Variants in NOL10 observed in about 807,000 individuals in gnomAD.
NOL10 encodes nucleolar protein 10.
Under a neutral mutation model 103.5 loss-of-function variants are expected in NOL10, and 58 were observed. The ratio of observed to expected loss-of-function variants is 0.56; its 90% CI spans 0.45 to 0.70. NOL10 has a LOEUF of 0.70. Among genes scored for constraint, NOL10 ranks in the 30% least tolerant of loss-of-function variants. The pLI, the probability that NOL10 is intolerant of heterozygous loss-of-function variation, is 0.00. For missense variants in NOL10, 763 were observed against 807.3 expected, an observed-to-expected ratio of 0.95 and a Z score of 0.67; for synonymous variants, 287 against 282.5, an observed-to-expected ratio of 1.02 and a Z score of -0.16.
intron 19 of NOL10, among the ~76,000 whole-genome samples, chr2:10,582,442 T>C (rs1438641002): frequency 6.6e-6 from 1 of 152,206 alleles, no homozygotes; most frequent in Non-Finnish European, 1.5e-5. Flanking sequence ...TATCCCCATC[T>C]ACTGAAACGT....
intron 13 of NOL10, among the ~76,000 whole-genome samples, chr2:10,640,560 C>T (rs1381793408): frequency 2.0e-5 from 3 of 152,224 alleles, no homozygotes; most frequent in Middle Eastern, 3.4e-3. Context: ...CTAAAAAGGT[C>T]TTATAAGATA....
chr2:10,685,474 TGA>T (rs1286340116), intron 1 of NOL10, among the ~76,000 whole-genome samples: 1 of 101,174 alleles, frequency 9.9e-6, no homozygotes, highest in Non-Finnish European at 1.8e-5. Flanking sequence ...GCCTGGTGAC[TGA>T]GAGAGACTCC....
At chr2:10,600,971 A>G (rs754692852) in intron 16 of NOL10, 29 bp from the exon 17 acceptor site, 2 of 1,358,508 alleles carry the variant, frequency 1.5e-6, no homozygotes, top group South Asian at 1.3e-5. Flanking sequence ...CTGGTATTTT[A>G]TTTTATTTTA....
intron 13 of NOL10, among the ~76,000 whole-genome samples, chr2:10,618,245 T>TAAAAAA (rs34176271): frequency 2.0e-5 from 3 of 150,774 alleles, no homozygotes; most frequent in African/African-American, 7.3e-5. Context: ...GCTGTTTTTT[T>TAAAAAA]AAAAAAAAAT....
At chr2:10,641,400 A>G (rs1035510692) in intron 13 of NOL10, among the ~76,000 whole-genome samples, 2 of 152,002 alleles carry the variant, frequency 1.3e-5, no homozygotes, top group Non-Finnish European at 2.9e-5. Flanking sequence ...CATCACAAAT[A>G]TAACTAAAAA....
chr2:10,584,331 G>A (rs974028367), intron 19 of NOL10, among the ~76,000 whole-genome samples: 4 of 152,162 alleles, frequency 2.6e-5, no homozygotes, highest in Admixed American at 2.6e-4. Context: ...TGAATGGGTG[G>A]TGGAGAGGCT....
rs1558269945 is a variant in NOL10, at chr2:10,587,070, T to TATAC, written c.1844+1972_1844+1973insGTAT. The stretch of plus-strand genomic sequence containing the variant: ...ATATATATATACATATATATATACA[T>TATAC]ATATATACATATATATACATATATA... On this transcript the variant is annotated intron_variant, in intron 19 of 20. Coordinates refer to ENST00000381685, the MANE Select transcript of NOL10 (RefSeq NM_024894.4). Among the ~76,000 whole-genome samples the TATAC allele has an allele frequency of 1.1e-4, 6 of 54,788 alleles. 1 individual carries two copies. Among genetic ancestry groups the TATAC allele is most frequent in the Non-Finnish European group, 2.6e-4 (6 of 23,248 alleles). 35.9% of individuals were successfully genotyped at this position (54,788 alleles called of 152,430 possible). A position where few individuals can be genotyped will look rare whatever the true frequency, so the allele number is the denominator to read the frequency against.
In NOL10 at chr2:10,645,944, TAC is replaced by T. The variant is rs57494359; in HGVS notation, c.974-1574_974-1573del. ...TGCACACAAAACACACACACACACA[TAC>T]ACACACACACACACACACACACCCC... On this transcript the variant is annotated intron_variant, in intron 12 of 20. Coordinates refer to ENST00000381685, the MANE Select transcript of NOL10 (RefSeq NM_024894.4). Among the ~76,000 whole-genome samples, 353 of 147,392 alleles carry T rather than the reference TAC, an allele frequency of 2.4e-3. 4 individuals are homozygous for T. Among genetic ancestry groups the T allele is most frequent in the Non-Finnish European group, 3.4e-3 (223 of 66,100 alleles).
chr2:10,607,169 A>G lies in NOL10; in HGVS notation c.1153+16T>C. On this transcript the variant is annotated intron_variant, in intron 14 of 20. Coordinates refer to ENST00000381685, the MANE Select transcript of NOL10 (RefSeq NM_024894.4). ...TAAAGTAATTACATAATATTTCATC[A>G]CAATTTTTTTTTTACCTAAATTTTC... is the stretch of plus-strand genomic sequence containing the variant. 1.3e-6 allele frequency: 2 copies of G among 1,504,486 alleles called. No individual in the cohort carries two copies. The highest frequency in any genetic ancestry group is 1.8e-6 in the Non-Finnish European group (2 of 1,110,012). The allele number at this position is 1,504,486 out of a possible 1,614,324, so 93.2% of individuals were successfully genotyped here.
At chr2:10,591,670 G>C (rs1389229558) in intron 17 of NOL10, among the ~76,000 whole-genome samples, 1 of 151,968 alleles carries the variant, frequency 6.6e-6, no homozygotes, top group Non-Finnish European at 1.5e-5. Context: ...AGGGAGGAAG[G>C]AGAAGATGGA....
chr2:10,673,661 A>G (rs758218051), intron 4 of NOL10, 104 bp from the exon 5 acceptor site: 1 of 653,342 alleles, frequency 1.5e-6, no homozygotes, highest in Admixed American at 3.3e-5. Context: ...TTATATACAT[A>G]CCAGTTTTTT....
intron 17 of NOL10, among the ~76,000 whole-genome samples, chr2:10,593,592 C>A (rs761144376): frequency 6.6e-6 from 1 of 151,900 alleles, no homozygotes; most frequent in African/African-American, 2.4e-5. Context: ...GGGCATAAAC[C>A]CTTAAGAAAA....
chr2:10,680,548 T>C (rs1681685950), intron 3 of NOL10, among the ~76,000 whole-genome samples: 1 of 152,212 alleles, frequency 6.6e-6, no homozygotes, highest in South Asian at 2.1e-4. Flanking sequence ...TCTGGATCTA[T>C]AAAATGAAGA....
chr2:10,652,293 C>T (rs1255811070), intron 12 of NOL10, among the ~76,000 whole-genome samples: 1 of 150,838 alleles, frequency 6.6e-6, no homozygotes, highest in Non-Finnish European at 1.5e-5. Flanking sequence ...GCACCAGAAA[C>T]AGGAAGGCTG....
At chr2:10,604,479 A>C (rs1049057604) in intron 14 of NOL10, among the ~76,000 whole-genome samples, 4 of 152,236 alleles carry the variant, frequency 2.6e-5, no homozygotes, top group Non-Finnish European at 4.4e-5. Flanking sequence ...CATAGAATTC[A>C]TTAGGTTAAT....
chr2:10,620,424 A>G (rs1007115291), intron 13 of NOL10, among the ~76,000 whole-genome samples: 1 of 152,232 alleles, frequency 6.6e-6, no homozygotes, highest in African/African-American at 2.4e-5. Flanking sequence ...GTGAAAAAAT[A>G]TATTAACACC....
intron 3 of NOL10, among the ~76,000 whole-genome samples, chr2:10,679,721 G>A (rs1454066887): frequency 1.3e-5 from 2 of 152,106 alleles, no homozygotes; most frequent in Non-Finnish European, 2.9e-5. Flanking sequence ...CGCCACATGG[G>A]TTCAAGCGAT....
At chr2:10,597,845 G>T (rs1285000971) in intron 17 of NOL10, among the ~76,000 whole-genome samples, 4 of 152,156 alleles carry the variant, frequency 2.6e-5, no homozygotes, top group Admixed American at 2.0e-4. Context: ...AATTTCTAAG[G>T]TTCTTCCTCC....
chr2:10,671,591 G>A lies in NOL10; in HGVS notation c.427C>T (p.His143Tyr), dbSNP rs1680944012. The change falls in exon 6 of 21, where the codon CAC becomes TAC. Residue 143 changes from histidine (H) to tyrosine (Y), a missense_variant. Transcript: ENST00000381685. Reference protein sequence around the residue: ...IPKFGRDFSYHYPSCDLYFVG... With the variant: ...IPKFGRDFSYYYPSCDLYFVG... Reference sequence around the variant, plus strand: ...AAGTACAAGTCACAGGATGGATAGTGGTAAGAGAAATCTCTCCCAAACTTT... The same window carrying A: ...AAGTACAAGTCACAGGATGGATAGTAGTAAGAGAAATCTCTCCCAAACTTT... 3 of 1,604,688 alleles carry A rather than the reference G, an allele frequency of 1.9e-6. No individual in the cohort carries two copies. The African/African-American group carries it at 4.0e-5, about 21-fold the overall frequency.
Sources: allele counts gnomAD v4.1 joint callset (sites outside exome capture counted in the v4.1 genomes callset), GRCh38; gene constraint gnomAD v4.1.1; transcripts MANE v1.5; gene names NCBI Gene and HGNC (gene_info 2026-07-23, HGNC 2026-07-21).